The following INSL6 variants were observed in gnomAD, a reference collection of about 807,000 sequenced individuals.
INSL6 encodes the protein insulin-like peptide INSL6.
In INSL6, 16 loss-of-function variants were observed where a neutral mutation model predicts 9.4. That is an observed-to-expected ratio of 1.70 (90% CI 1.15 to 2.59). INSL6 has a LOEUF of 2.59. Ranked by LOEUF, INSL6 falls within the 30% of genes most tolerant of loss-of-function variation. The probability of loss-of-function intolerance (pLI) is 0.00; values close to 1 mark genes in which losing one functional copy is unlikely to be tolerated. For synonymous variants in INSL6, 154 were observed against 96.9 expected (o/e 1.59, Z -3.46); for missense variants, 391 against 257.3 (o/e 1.52, Z -3.56).
At chr9:5,064,569 T>C in the INSL6 span, among the ~76,000 whole-genome samples, 2 of 151,634 alleles carry the variant, frequency 1.3e-5, no homozygotes, top group Non-Finnish European at 2.9e-5. Flanking sequence ...TGATTTCTAA[T>C]GTCAACTTTT....
At chr9:5,118,780 A>G in the INSL6 span, among the ~76,000 whole-genome samples, 9 of 152,274 alleles carry the variant, frequency 5.9e-5, no homozygotes, top group South Asian at 1.9e-3. Flanking sequence ...GTACAGTAAT[A>G]TACCATTAAA....
intron 2 of INSL6, among the ~76,000 whole-genome samples, chr9:5,148,372 C>G (rs1050919447): frequency 2.0e-5 from 3 of 152,134 alleles, no homozygotes; most frequent in African/African-American, 7.2e-5. Flanking sequence ...TTACCAAGTT[C>G]CTGGCTTTTG....
At chr9:5,007,275 C>T in the INSL6 span, among the ~76,000 whole-genome samples, 27 of 151,962 alleles carry the variant, frequency 1.8e-4, no homozygotes, top group Non-Finnish European at 2.9e-4. Flanking sequence ...ACTTTTACTG[C>T]GTTTTACTCA....
chr9:5,047,153 TATG>T, the INSL6 span, among the ~76,000 whole-genome samples: 6 of 152,074 alleles, frequency 3.9e-5, no homozygotes, highest in African/African-American at 1.2e-4. Flanking sequence ...GCCCAGAAAA[TATG>T]ATAGTATTTA....
chr9:5,040,743 C>G, the INSL6 span, among the ~76,000 whole-genome samples: 1 of 152,378 alleles, frequency 6.6e-6, no homozygotes, highest in African/African-American at 2.4e-5. Flanking sequence ...AGCGGGCGTC[C>G]GGGACCGTGG....
the INSL6 span, among the ~76,000 whole-genome samples, chr9:5,092,604 A>G: frequency 6.6e-6 from 1 of 152,228 alleles, no homozygotes; most frequent in South Asian, 2.1e-4. Context: ...CGTAAGGGAA[A>G]GATGAAAGAA....
intron 1 of INSL6, among the ~76,000 whole-genome samples, chr9:5,170,182 C>T (rs535976005): frequency 2.0e-5 from 3 of 152,242 alleles, no homozygotes; most frequent in African/African-American, 7.2e-5. Flanking sequence ...CAAACTAGAA[C>T]TCAAGATTAA....
chr9:5,014,168 T>TC, the INSL6 span, among the ~76,000 whole-genome samples: 26 of 148,740 alleles, frequency 1.7e-4, no homozygotes, highest in African/African-American at 5.9e-4. Context: ...CTCTTTCTTT[T>TC]TTTTTTTTTT....
the INSL6 span, chr9:5,112,613 T>TGGCAACTGC: frequency 1.1e-6 from 1 of 895,012 alleles, no homozygotes; most frequent in East Asian, 2.8e-5. Context: ...GGGGCGCATG[T>TGGCAACTGC]GGCAACTGCA....
At chr9:5,112,318 C>A in the INSL6 span, 1 of 279,198 alleles carries the variant, frequency 3.6e-6, no homozygotes, top group Non-Finnish European at 6.9e-6. Flanking sequence ...GCTAGCCAGG[C>A]GCCCTCCCCG....
chr9:5,111,201 A>G, the INSL6 span: 4 of 638,228 alleles, frequency 6.3e-6, no homozygotes, highest in Non-Finnish European at 1.1e-5. Context: ...TGGGACCGGG[A>G]CTCGGAGGCA....
At chr9:5,136,101 A>G (rs1388273126) in intron 2 of INSL6, among the ~76,000 whole-genome samples, 3 of 152,236 alleles carry the variant, frequency 2.0e-5, no homozygotes, top group Non-Finnish European at 2.9e-5. Context: ...GAATAGACCA[A>G]TAACAACTTC....
chr9:5,131,655 G>A (rs1177384299), intron 3 of INSL6, among the ~76,000 whole-genome samples: 2 of 151,872 alleles, frequency 1.3e-5, no homozygotes, highest in African/African-American at 4.8e-5. Flanking sequence ...GGTCAGTCTG[G>A]TCTTGAACTC....
chr9:5,114,367 C>A, the INSL6 span: 1 of 530,156 alleles, frequency 1.9e-6, no homozygotes, highest in Non-Finnish European at 3.7e-6. Flanking sequence ...TGCAATGGCA[C>A]GTTCACCATC....
At chr9:5,185,197 G>A in intron 1 of INSL6, 117 bp downstream of exon 1, 1 of 1,259,254 alleles carries the variant, frequency 7.9e-7, no homozygotes, top group Non-Finnish European at 1.1e-6. Flanking sequence ...ATTTTTTAAA[G>A]AGCTGTGTAC....
the INSL6 span, among the ~76,000 whole-genome samples, chr9:5,052,369 T>C: frequency 6.6e-6 from 1 of 152,106 alleles, no homozygotes; most frequent in Admixed American, 6.6e-5. Context: ...CTCATGCTCT[T>C]AGCCAGGATA....
At chr9:5,164,345 C>A in intron 1 of INSL6, 80 bp from the exon 2 acceptor site, 1 of 857,880 alleles carries the variant, frequency 1.2e-6, no homozygotes, top group East Asian at 2.5e-5. Context: ...ACAGTAAAAT[C>A]AGCTAATTAT....
chr9:5,183,873 T>C (rs1185821813), intron 1 of INSL6, among the ~76,000 whole-genome samples: 2 of 151,890 alleles, frequency 1.3e-5, no homozygotes, highest in African/African-American at 4.8e-5. Flanking sequence ...AAACGAAAAA[T>C]ATCAGGCCCC....
chr9:5,079,154 T>C, the INSL6 span, among the ~76,000 whole-genome samples: 5 of 152,032 alleles, frequency 3.3e-5, no homozygotes, highest in Admixed American at 2.0e-4. Context: ...AGTACAGGAG[T>C]AGGGAGTATG....
Sources: allele counts gnomAD v4.1 joint callset (sites outside exome capture counted in the v4.1 genomes callset), GRCh38; gene constraint gnomAD v4.1.1; transcripts MANE v1.5; gene names NCBI Gene and HGNC (gene_info 2026-07-23, HGNC 2026-07-21).